Variants in STPG2 observed in about 807,000 individuals in gnomAD.
The protein encoded by STPG2 is sperm tail PG-rich repeat containing 2, also known as sperm-tail PG-rich repeat-containing protein 2.
STPG2 carries 56 observed loss-of-function variants against 54.2 expected under a neutral mutation model. That is an observed-to-expected ratio of 1.03 (90% CI 0.83 to 1.29). The LOEUF is 1.29. Among genes scored for constraint, STPG2 ranks in the 50% most tolerant of loss-of-function variants. The pLI is 0.00. For synonymous variants in STPG2, 200 were observed against 181.8 expected (o/e 1.10, Z -0.81); for missense variants, 596 against 544.9 (o/e 1.09, Z -0.93).
At chr4:97,903,226 A>T (rs1338743331) in intron 8 of STPG2, among the ~76,000 whole-genome samples, 1 of 152,158 alleles carries the variant, frequency 6.6e-6, no homozygotes, top group Non-Finnish European at 1.5e-5. Flanking sequence ...AATTACATAC[A>T]CACAAAAAGG....
chr4:97,921,003 TA>T (rs1178784294), intron 8 of STPG2, among the ~76,000 whole-genome samples: 1 of 152,146 alleles, frequency 6.6e-6, no homozygotes, highest in African/African-American at 2.4e-5. Flanking sequence ...TGGATAACCT[TA>T]ACAAGAGCTA....
chr4:98,128,574 T>C lies in STPG2; in HGVS notation c.241A>G (p.Thr81Ala), dbSNP rs750662919. 6.3e-7 allele frequency: 1 copy of C among 1,592,416 alleles called. No individual in the cohort carries two copies. Among genetic ancestry groups the C allele is most frequent in the South Asian group, 1.2e-5 (1 of 86,280 alleles). ...SEAQKISRSP[T>A]LTRSVDVPSI... ...GGAACATCAACACTTCTGGTAAGTG[T>C]AGGTGATCTTGAAATTTTCTGCAAG... Residue 81 changes from threonine (T) to alanine (A), a missense_variant, in exon 3 of 11, where the codon ACA becomes GCA. Thr to Ala is a moderately conservative substitution (Grantham distance 58). Coordinates refer to ENST00000295268, the MANE Select transcript of STPG2 (RefSeq NM_174952.3).
chr4:97,740,566 T>G (rs536331036), intron 9 of STPG2, among the ~76,000 whole-genome samples: 1 of 151,884 alleles, frequency 6.6e-6, no homozygotes, highest in Non-Finnish European at 1.5e-5. Flanking sequence ...TATACACCAA[T>G]AACAGACAAA....
rs137976687 is a variant in STPG2 at position 97,497,558 on chromosome 4, C to T, written c.462+215141G>A. Among the ~76,000 whole-genome samples, 77 of 151,936 alleles carry T rather than the reference C, an allele frequency of 5.1e-4. No homozygotes were observed. In the East Asian group the frequency reaches 0.013, roughly 25 times the overall value. On this transcript the variant is annotated intron_variant, in intron 4 of 4. Coordinates refer to the STPG2 transcript ENST00000522676. ...AAAATCTTTAGTTAAAATAAGCATA[C>T]ATTTCTGCCAATTTCATTTTGTTAG...
intron 4 of STPG2, among the ~76,000 whole-genome samples, chr4:97,506,019 CA>C (rs59206485): frequency 0.035 from 600 of 16,924 alleles, no homozygotes; most frequent in Non-Finnish European, 0.046. Context: ...AATAGGAGAC[CA>C]AAAAAAAAAA....
chr4:97,559,185 A>G, intron 10 of STPG2, 68 bp from the exon 11 acceptor site: 1 of 994,670 alleles, frequency 1.0e-6, no homozygotes, highest in South Asian at 1.5e-5. Flanking sequence ...AATATTCATT[A>G]TTTAAACATT....
At chr4:97,688,580 G>C (rs1723271402) in intron 10 of STPG2, among the ~76,000 whole-genome samples, 1 of 152,090 alleles carries the variant, frequency 6.6e-6, no homozygotes, top group Admixed American at 6.5e-5. Context: ...TGTTAGCCAG[G>C]ATGGTCTCAA....
intron 6 of STPG2, among the ~76,000 whole-genome samples, chr4:97,976,392 T>C (rs1194286525): frequency 6.6e-6 from 1 of 152,148 alleles, no homozygotes; most frequent in Non-Finnish European, 1.5e-5. Context: ...AAGTACTTAA[T>C]ATATCATCCT....
chr4:97,896,836 TA>T (rs1422096814), intron 8 of STPG2, among the ~76,000 whole-genome samples: 1 of 151,858 alleles, frequency 6.6e-6, no homozygotes, highest in Non-Finnish European at 1.5e-5. Flanking sequence ...AAAAATTCAC[TA>T]AAACATTAAC....
intron 9 of STPG2, among the ~76,000 whole-genome samples, chr4:97,777,134 T>C (rs1726402734): frequency 6.6e-6 from 1 of 152,190 alleles, no homozygotes; most frequent in South Asian, 2.1e-4. Context: ...ATGGTTAAAA[T>C]GCACTTCGTA....
At chr4:97,775,329 T>C (rs1726343404) in intron 9 of STPG2, among the ~76,000 whole-genome samples, 1 of 152,212 alleles carries the variant, frequency 6.6e-6, no homozygotes, top group South Asian at 2.1e-4. Flanking sequence ...TATGTATACA[T>C]GTGCCATGTT....
chr4:98,106,163 T>C lies in STPG2; in HGVS notation c.501-99A>G. The C allele has an allele frequency of 1.2e-5, 10 of 855,194 alleles. No individual in the cohort carries two copies. The South Asian group carries it at 1.7e-4, about 15-fold the overall frequency. 53.0% of individuals were successfully genotyped at this position (855,194 alleles called of 1,614,324 possible). On this transcript the variant is annotated intron_variant, in intron 4 of 10. Transcript: ENST00000295268. Reference sequence around the variant, plus strand: ...CTTTCTACAGCAACATGTCCTGCAATTAAACTATGGAATAATAAGATTATC... The same window carrying C: ...CTTTCTACAGCAACATGTCCTGCAACTAAACTATGGAATAATAAGATTATC...
intron 10 of STPG2, among the ~76,000 whole-genome samples, chr4:97,695,563 G>A (rs565467130): frequency 4.2e-4 from 64 of 152,086 alleles, no homozygotes; most frequent in Admixed American, 2.0e-3. Context: ...AATTGTTGCT[G>A]TTCGCTGATG....
At chr4:97,531,576 A>T (rs188168423) in intron 4 of STPG2, among the ~76,000 whole-genome samples, 1 of 152,214 alleles carries the variant, frequency 6.6e-6, no homozygotes, top group Non-Finnish European at 1.5e-5. Flanking sequence ...ATGGAAATGG[A>T]GGTCATTATG....
At chr4:98,124,729 T>C (rs1487570007) in intron 3 of STPG2, among the ~76,000 whole-genome samples, 2 of 152,236 alleles carry the variant, frequency 1.3e-5, no homozygotes, top group Non-Finnish European at 2.9e-5. Flanking sequence ...CCTGCCTTGC[T>C]AGTTTGGGGA....
At chr4:97,717,251 A>C (rs952428080) in intron 9 of STPG2, among the ~76,000 whole-genome samples, 1 of 152,172 alleles carries the variant, frequency 6.6e-6, no homozygotes, top group Non-Finnish European at 1.5e-5. Context: ...CATCCCTTTA[A>C]ATTATCTGTT....
At chr4:97,472,256 A>C (rs932824791) in intron 4 of STPG2, among the ~76,000 whole-genome samples, 1 of 152,204 alleles carries the variant, frequency 6.6e-6, no homozygotes, top group Non-Finnish European at 1.5e-5. Context: ...GGAAAATCTG[A>C]ACTGTAATTG....
intron 3 of STPG2, among the ~76,000 whole-genome samples, chr4:98,111,680 A>C (rs561534934): frequency 7.2e-4 from 102 of 141,362 alleles, no homozygotes; most frequent in Non-Finnish European, 1.3e-3. Context: ...GTTAAGGAAT[A>C]CTCACATAGC....
At chr4:98,065,670 CA>C (rs1337499836) in intron 5 of STPG2, among the ~76,000 whole-genome samples, 1 of 152,162 alleles carries the variant, frequency 6.6e-6, no homozygotes, top group Non-Finnish European at 1.5e-5. Context: ...GCTATCACTG[CA>C]ACAACCACCT....
Sources: allele counts gnomAD v4.1 joint callset (sites outside exome capture counted in the v4.1 genomes callset), GRCh38; gene constraint gnomAD v4.1.1; transcripts MANE v1.5; gene names NCBI Gene and HGNC (gene_info 2026-07-23, HGNC 2026-07-21).